The following HPSE2 variants were observed in gnomAD, a reference collection of about 807,000 sequenced individuals.
HPSE2 encodes inactive heparanase-2.
A neutral mutation model predicts 60.5 loss-of-function variants in HPSE2; 38 were observed. That is an observed-to-expected ratio of 0.63 (90% CI 0.48 to 0.82). HPSE2 has a LOEUF of 0.82. HPSE2 is among the 40% of genes least tolerant of loss of function. The pLI is 0.00. For synonymous variants in HPSE2, 295 were observed against 293.2 expected (o/e 1.01, Z -0.06); for missense variants, 713 against 740.4 (o/e 0.96, Z 0.43).
chr10:99,210,721 C>A (rs968167106), intron 2 of HPSE2, among the ~76,000 whole-genome samples: 1 of 152,034 alleles, frequency 6.6e-6, no homozygotes, highest in Non-Finnish European at 1.5e-5. Flanking sequence ...AATTTTATGC[C>A]CTTTTATGAT....
At chr10:98,851,371 C>T (rs1952170355) in intron 3 of HPSE2, among the ~76,000 whole-genome samples, 1 of 133,306 alleles carries the variant, frequency 7.5e-6, no homozygotes, top group African/African-American at 2.7e-5. Context: ...TCCTTAACCT[C>T]TTGCTTCACA....
intron 3 of HPSE2, among the ~76,000 whole-genome samples, chr10:98,933,423 T>C (rs539391652): frequency 6.9e-6 from 1 of 144,462 alleles, no homozygotes; most frequent in African/African-American, 2.8e-5. Flanking sequence ...AAGAAATGTA[T>C]ATTCTGTTGT....
chr10:98,797,730 G>A (rs955910551), intron 3 of HPSE2, among the ~76,000 whole-genome samples: 2 of 152,022 alleles, frequency 1.3e-5, no homozygotes, highest in African/African-American at 4.8e-5. Context: ...TGTAGTCCCA[G>A]CTACTCGGGA....
At chr10:98,522,297 G>C (rs972075412) in intron 9 of HPSE2, among the ~76,000 whole-genome samples, 1 of 151,014 alleles carries the variant, frequency 6.6e-6, no homozygotes, top group African/African-American at 2.4e-5. Flanking sequence ...AAAAAAGAAA[G>C]AATCAGGCTG....
chr10:98,618,439 G>T (rs923969424), intron 8 of HPSE2, among the ~76,000 whole-genome samples: 2 of 152,158 alleles, frequency 1.3e-5, no homozygotes, highest in African/African-American at 2.4e-5. Context: ...CCCTGCAGCA[G>T]CGTCCTATAG....
intron 3 of HPSE2, among the ~76,000 whole-genome samples, chr10:98,896,264 T>C (rs1050329520): frequency 1.1e-4 from 16 of 152,112 alleles, no homozygotes; most frequent in Non-Finnish European, 2.2e-4. Context: ...AATGCTTGCA[T>C]GGTAAAAGAT....
At chr10:98,734,776 A>G (rs1204677617) in intron 4 of HPSE2, among the ~76,000 whole-genome samples, 1 of 151,930 alleles carries the variant, frequency 6.6e-6, no homozygotes, top group Non-Finnish European at 1.5e-5. Flanking sequence ...GGTCTTCATC[A>G]TGACTCACAC....
At chr10:98,775,230 T>G (rs926793792) in intron 3 of HPSE2, among the ~76,000 whole-genome samples, 2 of 152,228 alleles carry the variant, frequency 1.3e-5, no homozygotes, top group Admixed American at 6.5e-5. Context: ...GAAACACACA[T>G]GTGCACATGC....
At chr10:98,751,756 A>C (rs1370869513) in intron 3 of HPSE2, among the ~76,000 whole-genome samples, 1 of 152,192 alleles carries the variant, frequency 6.6e-6, no homozygotes, top group Non-Finnish European at 1.5e-5. Flanking sequence ...GCTTCCCCAT[A>C]GTTCCCCAAG....
chr10:98,530,902 G>A (rs1187231630), intron 9 of HPSE2, among the ~76,000 whole-genome samples: 1 of 152,130 alleles, frequency 6.6e-6, no homozygotes, highest in Non-Finnish European at 1.5e-5. Context: ...TGAAGGAAGA[G>A]GTCTGGACCC....
chr10:98,655,894 C>T (rs956755129), intron 6 of HPSE2, among the ~76,000 whole-genome samples: 1 of 152,144 alleles, frequency 6.6e-6, no homozygotes, highest in African/African-American at 2.4e-5. Context: ...CTCAAGGTCT[C>T]CTCTTTGACA....
At chr10:99,154,897 G>T (rs905992248) in intron 2 of HPSE2, among the ~76,000 whole-genome samples, 2 of 152,068 alleles carry the variant, frequency 1.3e-5, no homozygotes, top group Non-Finnish European at 2.9e-5. Context: ...AAAATAAAGG[G>T]ATGGAGGAAG....
chr10:99,177,490 G>A (rs12573510), intron 2 of HPSE2, among the ~76,000 whole-genome samples: 3,176 of 152,040 alleles, frequency 0.021, 114 homozygotes, highest in East Asian at 0.16. Flanking sequence ...TCATATAACA[G>A]ACTTTAAACC....
At chr10:99,157,989 A>G (rs1238932703) in intron 2 of HPSE2, among the ~76,000 whole-genome samples, 1 of 142,394 alleles carries the variant, frequency 7.0e-6, no homozygotes, top group African/African-American at 2.5e-5. Flanking sequence ...GCAGCCAAAA[A>G]ACACATGAAA....
intron 3 of HPSE2, among the ~76,000 whole-genome samples, chr10:98,886,456 C>T (rs1953167945): frequency 6.6e-6 from 1 of 152,072 alleles, no homozygotes; most frequent in Non-Finnish European, 1.5e-5. Flanking sequence ...TACAGCAACA[C>T]AAAATGTCTA....
chr10:98,669,865 G>A (rs897883331), intron 6 of HPSE2, among the ~76,000 whole-genome samples: 10 of 152,086 alleles, frequency 6.6e-5, no homozygotes, highest in Non-Finnish European at 1.3e-4. Context: ...GTGCACAGGT[G>A]CCCCCTGAAT....
intron 3 of HPSE2, among the ~76,000 whole-genome samples, chr10:98,873,962 A>C (rs970980587): frequency 5.3e-5 from 8 of 152,120 alleles, no homozygotes; most frequent in Admixed American, 2.0e-4. Flanking sequence ...TCTAATGATC[A>C]GTGATTTTGA....
chr10:98,719,638 C>T (rs188864901), intron 5 of HPSE2, among the ~76,000 whole-genome samples: 7 of 142,844 alleles, frequency 4.9e-5, no homozygotes, highest in Admixed American at 7.3e-5. Flanking sequence ...AGACCCTAAA[C>T]GTCATGAGTG....
chr10:98,939,734 A>G lies in HPSE2; in HGVS notation c.611-195678T>C, dbSNP rs1351498919. On this transcript the variant is annotated intron_variant, in intron 3 of 11. Transcript: ENST00000370552. ...ACTCAGCTCTGCACCAAGCAGACCT[A>G]ATAGACATCCACAGAACTCTCCAAC... Among the ~76,000 whole-genome samples, 41 of 144,186 alleles carry G rather than the reference A, an allele frequency of 2.8e-4. 4 individuals are homozygous for G. Among genetic ancestry groups the G allele is most frequent in the Non-Finnish European group, 4.5e-5 (3 of 67,204 alleles). The allele number at this position is 144,186 out of a possible 152,430, so 94.6% of individuals were successfully genotyped here. A position where few individuals can be genotyped will look rare whatever the true frequency, so the allele number is the denominator to read the frequency against.
Sources: allele counts gnomAD v4.1 joint callset (sites outside exome capture counted in the v4.1 genomes callset), GRCh38; gene constraint gnomAD v4.1.1; transcripts MANE v1.5; gene names NCBI Gene and HGNC (gene_info 2026-07-23, HGNC 2026-07-21).